Variants in OSBPL6 observed in about 807,000 individuals in gnomAD.
The protein encoded by OSBPL6 is oxysterol binding protein like 6, also known as oxysterol-binding protein-related protein 6.
A neutral mutation model predicts 125.8 loss-of-function variants in OSBPL6; 49 were observed. The ratio of observed to expected loss-of-function variants is 0.39; its 90% CI spans 0.31 to 0.49. The LOEUF (loss-of-function observed/expected upper bound fraction) is 0.49. Among genes scored for constraint, OSBPL6 ranks in the 20% least tolerant of loss-of-function variants. The pLI is 0.88. For synonymous variants in OSBPL6, 394 were observed against 391.8 expected (o/e 1.01, Z -0.07); for missense variants, 986 against 1,135.4 (o/e 0.87, Z 1.89).
intron 1 of OSBPL6, among the ~76,000 whole-genome samples, chr2:178,278,079 T>C (rs1469325514): frequency 6.6e-6 from 1 of 152,174 alleles, no homozygotes; most frequent in Non-Finnish European, 1.5e-5. Context: ...TCCCGTCTCT[T>C]GATTTTCATA....
chr2:178,251,985 G>A (rs1334485733), intron 1 of OSBPL6, among the ~76,000 whole-genome samples: 1 of 152,168 alleles, frequency 6.6e-6, no homozygotes, highest in African/African-American at 2.4e-5. Flanking sequence ...GAAGAGTGAT[G>A]TTCTTTTAAA....
At chr2:178,329,479 A>G (rs1688997501) in intron 5 of OSBPL6, among the ~76,000 whole-genome samples, 1 of 151,848 alleles carries the variant, frequency 6.6e-6, no homozygotes, top group African/African-American at 2.4e-5. Flanking sequence ...CAATGGCACA[A>G]TCACGGCTCA....
intron 1 of OSBPL6, among the ~76,000 whole-genome samples, chr2:178,198,670 A>G (rs933292400): frequency 4.3e-5 from 6 of 139,122 alleles, no homozygotes; most frequent in Non-Finnish European, 9.6e-5. Flanking sequence ...GAACTGCGGC[A>G]CAAAGAGGTT....
chr2:178,371,662 A>C (rs561889138), intron 13 of OSBPL6, among the ~76,000 whole-genome samples: 27 of 152,316 alleles, frequency 1.8e-4, no homozygotes, highest in African/African-American at 6.0e-4. Flanking sequence ...CTATAAACTA[A>C]AGCCAGTTCA....
chr2:178,331,694 T>C, intron 6 of OSBPL6, 89 bp downstream of exon 6: 1 of 1,379,026 alleles, frequency 7.3e-7, no homozygotes, highest in Middle Eastern at 1.8e-4. Context: ...CCTTGTGCCA[T>C]AGTTACCAGC....
intron 8 of OSBPL6, among the ~76,000 whole-genome samples, chr2:178,334,630 T>C (rs1689517331): frequency 1.3e-5 from 2 of 152,082 alleles, no homozygotes; most frequent in African/African-American, 2.4e-5. Flanking sequence ...CTGAATTCAA[T>C]TGATTCTCCT....
chr2:178,227,931 T>A (rs1438396047), intron 1 of OSBPL6, among the ~76,000 whole-genome samples: 1 of 152,138 alleles, frequency 6.6e-6, no homozygotes, highest in East Asian at 1.9e-4. Flanking sequence ...CTATGAAGCA[T>A]GTGTGAATGA....
chr2:178,314,133 A>G (rs2154066328), intron 3 of OSBPL6, among the ~76,000 whole-genome samples: 1 of 152,360 alleles, frequency 6.6e-6, no homozygotes, highest in East Asian at 1.9e-4. Flanking sequence ...GAAATAACTA[A>G]ATCACTACTT....
intron 1 of OSBPL6, among the ~76,000 whole-genome samples, chr2:178,207,454 T>G (rs334113): frequency 0.21 from 31,999 of 152,088 alleles, 4,258 homozygotes; most frequent in African/African-American, 0.38. Context: ...TCATATGTTT[T>G]GGGGTCATAT....
chr2:178,298,247 G>A (rs1204027025), intron 2 of OSBPL6, among the ~76,000 whole-genome samples: 4 of 152,120 alleles, frequency 2.6e-5, no homozygotes, highest in African/African-American at 9.7e-5. Context: ...TCCATTGTAT[G>A]GATATAACCC....
intron 1 of OSBPL6, among the ~76,000 whole-genome samples, chr2:178,245,082 C>T (rs745597174): frequency 3.3e-5 from 5 of 152,074 alleles, no homozygotes; most frequent in East Asian, 3.9e-4. Flanking sequence ...ACTTCTTACT[C>T]GATGATTTGA....
At chr2:178,387,373 G>A (rs1382900583) in intron 20 of OSBPL6, among the ~76,000 whole-genome samples, 2 of 152,070 alleles carry the variant, frequency 1.3e-5, no homozygotes, top group East Asian at 3.9e-4. Context: ...ACACCACCAG[G>A]TACCTCCCAT....
rs529749946 is a variant in OSBPL6 at position 178,326,731 on chromosome 2, T to A, written c.196-1525T>A. On this transcript the variant is annotated intron_variant, in intron 4 of 24. Coordinates refer to ENST00000190611, the MANE Select transcript of OSBPL6 (RefSeq NM_032523.4). ...GTCTGCTCTGGTTTTATCTTTTGCCTCTGTCAGGTTGACAGCCTATTTAAT... is the reference window on the plus strand; with the variant it reads ...GTCTGCTCTGGTTTTATCTTTTGCCACTGTCAGGTTGACAGCCTATTTAAT... Among the ~76,000 whole-genome samples, 3 of 152,338 alleles carry A rather than the reference T, an allele frequency of 2.0e-5. No individual in the cohort carries two copies. The East Asian group carries it at 5.8e-4, about 29-fold the overall frequency.
chr2:178,266,035 G>A (rs888599896), intron 1 of OSBPL6, among the ~76,000 whole-genome samples: 3 of 152,192 alleles, frequency 2.0e-5, no homozygotes, highest in East Asian at 1.9e-4. Context: ...CTGACGGTTA[G>A]GCTGAATTGG....
chr2:178,366,108 T>A (rs559667659), intron 13 of OSBPL6, among the ~76,000 whole-genome samples: 2 of 152,288 alleles, frequency 1.3e-5, no homozygotes, highest in South Asian at 4.1e-4. Flanking sequence ...CCCAGGCTGG[T>A]CTCGAACTCG....
At chr2:178,370,763 C>A (rs1241927189) in intron 13 of OSBPL6, among the ~76,000 whole-genome samples, 1 of 152,136 alleles carries the variant, frequency 6.6e-6, no homozygotes, top group Non-Finnish European at 1.5e-5. Context: ...GACAGCCCTC[C>A]AGATCAAGTA....
intron 12 of OSBPL6, among the ~76,000 whole-genome samples, chr2:178,361,092 A>G (rs1692309099): frequency 6.6e-6 from 1 of 152,184 alleles, no homozygotes; most frequent in East Asian, 1.9e-4. Context: ...TTTTAAATCA[A>G]AGCACTTTAA....
rs568058857 is a variant in OSBPL6 at position 178,211,675 on chromosome 2, T to G, written c.-351+17001T>G. On this transcript the variant is annotated intron_variant, in intron 1 of 24. Transcript: ENST00000190611. ...GAAGCACTCACTACATCTTCATCTT[T>G]GCTTTTGGATCTCTCAGGTGTCAGC... Among the ~76,000 whole-genome samples the G allele has an allele frequency of 7.9e-5, 12 of 152,308 alleles. No individual in the cohort carries two copies. In the East Asian group the frequency reaches 2.3e-3, roughly 29 times the overall value.
chr2:178,210,319 T>C (rs1200698313), intron 1 of OSBPL6, among the ~76,000 whole-genome samples: 2 of 146,822 alleles, frequency 1.4e-5, no homozygotes, highest in Non-Finnish European at 3.1e-5. Flanking sequence ...ACACCTGACC[T>C]ATAAGTAAAT....
Sources: allele counts gnomAD v4.1 joint callset (sites outside exome capture counted in the v4.1 genomes callset), GRCh38; gene constraint gnomAD v4.1.1; transcripts MANE v1.5; gene names NCBI Gene and HGNC (gene_info 2026-07-23, HGNC 2026-07-21).